Variants in TAF6L observed in about 807,000 individuals in gnomAD.
The protein encoded by TAF6L is TATA-box binding protein associated factor 6 like.
A neutral mutation model predicts 57.3 loss-of-function variants in TAF6L; 34 were observed. The observed-to-expected ratio is 0.59, with a 90% CI of 0.45 to 0.79. TAF6L has a LOEUF of 0.79. TAF6L is among the 30% of genes least tolerant of loss of function. TAF6L has a pLI of 0.00. For synonymous variants in TAF6L, 417 were observed against 376.3 expected (o/e 1.11, Z -1.25); for missense variants, 782 against 853.2 (o/e 0.92, Z 1.04).
rs757993793 is a variant in TAF6L, at chr11:62,778,346, A to G, written c.436+11A>G. 1.2e-6 allele frequency: 2 copies of G among 1,614,124 alleles called. No individual in the cohort carries two copies. The highest frequency in any genetic ancestry group is 2.2e-5 in the South Asian group (2 of 91,080). ...CACCTCAAGGATCGGGTAAGGGGTG[A>G]TGTAGGAAACAGGCTCTTTGGATGA... is the stretch of plus-strand genomic sequence containing the variant. On this transcript the variant is annotated intron_variant, in intron 5 of 10. Transcript: ENST00000294168.
In TAF6L at chr11:62,778,122, G is replaced by A. The variant is rs770845274; in HGVS notation, c.379G>A (p.Val127Ile). The A allele has an allele frequency of 6.2e-7, 1 of 1,614,194 alleles. No individual in the cohort carries two copies. Among genetic ancestry groups the A allele is most frequent in the South Asian group, 1.1e-5 (1 of 91,086 alleles). Residue 127 changes from valine (V) to isoleucine (I), a missense_variant, in exon 4 of 11, where the codon GTC becomes ATC. Val to Ile is a conservative substitution (Grantham distance 29). This residue lies in a region of TAF6L where 220 missense variants were observed against 252.1 expected (regional missense o/e 0.87). Coordinates refer to ENST00000294168, the MANE Select transcript of TAF6L (RefSeq NM_006473.4). The stretch of plus-strand genomic sequence containing the variant: ...CCCCAAAGGCTGTGCTGAGACAGCT[G>A]TCAGAGGTGGCTGCCGGGGTCCTGC... ...NIPKGCAETA[V>I]RVHVSYLDGK...
intron 1 of TAF6L, 163 bp from the exon 2 acceptor site, chr11:62,775,607 TG>T (rs1359816005): frequency 1.4e-6 from 1 of 700,256 alleles, no homozygotes; most frequent in Non-Finnish European, 2.3e-6. Context: ...CTGGCCAGTC[TG>T]TTTCCTTCTC....
rs777752289 is a variant in TAF6L at position 62,782,099 on chromosome 11, T to G, written c.607-14T>G. The G allele has an allele frequency of 1.6e-5, 25 of 1,596,878 alleles. No individual in the cohort carries two copies. The highest frequency in any genetic ancestry group is 2.1e-5 in the Non-Finnish European group (25 of 1,170,454). On this transcript the variant is annotated splice_polypyrimidine_tract_variant and intron_variant, in intron 7 of 10. Transcript: ENST00000294168. ...CCCCTCATGTCCCTGTAAGCTACCCTCTTCTCCCAACAGGTGAAATCTGTA... is the reference window on the plus strand; with the variant it reads ...CCCCTCATGTCCCTGTAAGCTACCCGCTTCTCCCAACAGGTGAAATCTGTA...
rs1373994144 is a variant in TAF6L at position 62,787,061 on chromosome 11, AC to A, written c.1635del (p.Asp545GlufsTer20). 2.0e-6 allele frequency: 3 copies of A among 1,525,518 alleles called. No homozygotes were observed. The Admixed American group carries it at 5.9e-5, about 30-fold the overall frequency. 94.5% of individuals were successfully genotyped at this position (1,525,518 alleles called of 1,614,324 possible). On this transcript the variant is annotated frameshift_variant, in exon 11 of 11. Coordinates refer to ENST00000294168, the MANE Select transcript of TAF6L (RefSeq NM_006473.4). LOFTEE classifies it high-confidence loss of function. ...CAGGGCCCCGGGACCGGCACCCGCGACGTTTTCCAGAAGAGCCGTTTCGCCC... is the reference window on the plus strand; with the variant it reads ...CAGGGCCCCGGGACCGGCACCCGCGAGTTTTCCAGAAGAGCCGTTTCGCCC... ...RQQGPGTGTR[D>X]VFQKSRFAPR...
chr11:62,776,640 C>T (rs2084190366), intron 3 of TAF6L, among the ~76,000 whole-genome samples, 170 bp downstream of exon 3: 2 of 151,872 alleles, frequency 1.3e-5, no homozygotes, highest in Admixed American at 6.6e-5. Context: ...CACTTGAGGC[C>T]AGGACTTCAA....
intron 5 of TAF6L, 108 bp from the exon 6 acceptor site, chr11:62,778,761 G>T: frequency 1.1e-6 from 1 of 947,062 alleles, no homozygotes; most frequent in African/African-American, 1.6e-5. Flanking sequence ...TGTCAGAAAG[G>T]CTTCTTGTGG....
intron 6 of TAF6L, among the ~76,000 whole-genome samples, chr11:62,779,294 A>T (rs1354684380): frequency 6.6e-6 from 1 of 152,112 alleles, no homozygotes; most frequent in South Asian, 2.1e-4. Context: ...TCCTGGGTTC[A>T]TGCCATTCTC....
At chr11:62,778,401 C>A (rs1393870760) in intron 5 of TAF6L, 66 bp downstream of exon 5, 2 of 1,568,468 alleles carry the variant, frequency 1.3e-6, no homozygotes, top group East Asian at 4.5e-5. Flanking sequence ...GAGGGTGGTG[C>A]CTATGTGCCC....
chr11:62,777,693 TTGAG>T (rs1467154422), intron 3 of TAF6L, among the ~76,000 whole-genome samples: 11 of 152,186 alleles, frequency 7.2e-5, no homozygotes, highest in African/African-American at 2.4e-4. Flanking sequence ...GTTTTCAAAG[TTGAG>T]TGAGTGTGAA....
chr11:62,772,196 T>C, intron 1 of TAF6L: 1 of 455,192 alleles, frequency 2.2e-6, no homozygotes, highest in African/African-American at 2.0e-5. Context: ...GTAATCCATA[T>C]AAAGCACTTA....
At chr11:62,785,242 A>C (rs895164985) in intron 9 of TAF6L, among the ~76,000 whole-genome samples, 107 of 149,014 alleles carry the variant, frequency 7.2e-4, no homozygotes, top group African/African-American at 2.5e-3. Flanking sequence ...CCCAGGCTGG[A>C]GTGCAATGGC....
intron 1 of TAF6L, chr11:62,772,071 GCTTA>G (rs1013975373): frequency 4.8e-5 from 22 of 456,150 alleles, no homozygotes; most frequent in African/African-American, 4.0e-4. Flanking sequence ...CTTACTCAGT[GCTTA>G]CTTCATGATC....
At chr11:62,776,630 C>A (rs190253592) in intron 3 of TAF6L, among the ~76,000 whole-genome samples, 160 bp downstream of exon 3, 57 of 152,200 alleles carry the variant, frequency 3.7e-4, no homozygotes, top group African/African-American at 1.3e-3. Flanking sequence ...GTGGGCGGAT[C>A]ACTTGAGGCC....
intron 6 of TAF6L, among the ~76,000 whole-genome samples, chr11:62,779,976 A>ATTT (rs1277954265): frequency 5.7e-5 from 3 of 52,626 alleles, no homozygotes; most frequent in African/African-American, 7.7e-5. Context: ...ATATATATAT[A>ATTT]TTTTTTTTTT....
chr11:62,786,110 A>C, intron 9 of TAF6L, 150 bp from the exon 10 acceptor site: 2 of 968,960 alleles, frequency 2.1e-6, no homozygotes, highest in Non-Finnish European at 3.1e-6. Context: ...GTTCCAAATA[A>C]ATATATGGTT....
At chr11:62,772,471 C>T (rs1026542567) in intron 1 of TAF6L, among the ~76,000 whole-genome samples, 20 of 149,370 alleles carry the variant, frequency 1.3e-4, no homozygotes, top group Non-Finnish European at 2.4e-4. Context: ...TGTAGTGAGC[C>T]GAGATCACGC....
At chr11:62,782,907 A>C in intron 9 of TAF6L, 82 bp downstream of exon 9, 1 of 1,562,264 alleles carries the variant, frequency 6.4e-7, no homozygotes, top group Non-Finnish European at 8.7e-7. Context: ...CGTTATCTCC[A>C]AAATAGTGTG....
At chr11:62,784,622 T>C (rs1441114749) in intron 9 of TAF6L, among the ~76,000 whole-genome samples, 1 of 152,202 alleles carries the variant, frequency 6.6e-6, no homozygotes, top group Non-Finnish European at 1.5e-5. Context: ...CTTAATTTTA[T>C]CATCAATTTA....
intron 9 of TAF6L, among the ~76,000 whole-genome samples, chr11:62,785,336 C>T (rs555302229): frequency 5.1e-4 from 78 of 151,668 alleles, no homozygotes; most frequent in African/African-American, 1.8e-3. Flanking sequence ...GGATTACAGG[C>T]GCTCACCACC....
Sources: allele counts gnomAD v4.1 joint callset (sites outside exome capture counted in the v4.1 genomes callset), GRCh38; gene constraint gnomAD v4.1.1; regional missense constraint gnomAD v4.1.1; transcripts MANE v1.5; gene names NCBI Gene and HGNC (gene_info 2026-07-23, HGNC 2026-07-21).